CNTNAP2: variants seen among roughly 807,000 people sequenced by gnomAD.
CNTNAP2 encodes the protein contactin associated protein 2.
In CNTNAP2, 98 loss-of-function variants were observed where a neutral mutation model predicts 155.2. The observed-to-expected ratio is 0.63, with a 90% CI of 0.54 to 0.75. The LOEUF is 0.75. Among genes scored for constraint, CNTNAP2 ranks in the 30% least tolerant of loss-of-function variants. The pLI is 0.00. For synonymous variants in CNTNAP2, 651 were observed against 631.2 expected, an observed-to-expected ratio of 1.03 and a Z score of -0.47; for missense variants, 1,727 against 1,688.1, an observed-to-expected ratio of 1.02 and a Z score of -0.40.
At position 147,759,762 on chromosome 7, in the gene CNTNAP2, G is replaced by A. The variant is rs1325268101; in HGVS notation, c.2098+120456G>A. On this transcript the variant is annotated intron_variant, in intron 13 of 23. Coordinates refer to ENST00000361727, the MANE Select transcript of CNTNAP2 (RefSeq NM_014141.6). ...CCATCGTTTCCACAAGGAAGCCATT[G>A]TGGTTACGAAACAGCTCCATTTGTT... Among the ~76,000 whole-genome samples the A allele has an allele frequency of 2.0e-5, 3 of 152,156 alleles. No individual in the cohort carries two copies. The East Asian group carries it at 5.8e-4, about 29-fold the overall frequency.
intron 12 of CNTNAP2, among the ~76,000 whole-genome samples, chr7:147,627,282 A>G (rs1794998636): frequency 6.6e-6 from 1 of 152,240 alleles, no homozygotes; most frequent in African/African-American, 2.4e-5. Flanking sequence ...CCAAAAGATC[A>G]TACCAGCTCC....
At position 146,885,928 on chromosome 7, in the gene CNTNAP2, GGTGTGTGTGTGTGTGTGTGT is replaced by G. The variant is rs36231370; in HGVS notation, c.402+46051_402+46070del. Among the ~76,000 whole-genome samples, 871 of 141,940 alleles carry G rather than the reference GGTGTGTGTGTGTGTGTGTGT, an allele frequency of 6.1e-3. 9 individuals are homozygous for G. Among genetic ancestry groups the G allele is most frequent in the African/African-American group, 0.021 (786 of 38,250 alleles). The allele number at this position is 141,940 out of a possible 152,430, so 93.1% of individuals were successfully genotyped here. A position where few individuals can be genotyped will look rare whatever the true frequency, so the allele number is the denominator to read the frequency against. On this transcript the variant is annotated intron_variant, in intron 3 of 23. Transcript: ENST00000361727. ...CTTTAACTCTGAATATATGTAAGTC[GGTGTGTGTGTGTGTGTGTGT>G]GTGTGTGTGTGTGTGTGTGTGTGTG...
chr7:147,168,275 G>T (rs1165278442), intron 8 of CNTNAP2, among the ~76,000 whole-genome samples: 1 of 151,440 alleles, frequency 6.6e-6, no homozygotes, highest in Non-Finnish European at 1.5e-5. Flanking sequence ...TCAATTCAAA[G>T]ATATGTTTCC....
intron 1 of CNTNAP2, among the ~76,000 whole-genome samples, chr7:146,312,344 G>A (rs994147836): frequency 6.6e-6 from 1 of 152,102 alleles, no homozygotes; most frequent in Non-Finnish European, 1.5e-5. Context: ...CTAACATCTC[G>A]GAATAACTGG....
intron 8 of CNTNAP2, among the ~76,000 whole-genome samples, chr7:147,177,121 C>G (rs1429321584): frequency 6.7e-6 from 1 of 150,274 alleles, no homozygotes; most frequent in Non-Finnish European, 1.5e-5. Context: ...TTCAGTCTAT[C>G]TCTTTCTGTG....
intron 1 of CNTNAP2, among the ~76,000 whole-genome samples, chr7:146,646,895 A>T (rs1799820961): frequency 6.6e-6 from 1 of 152,202 alleles, no homozygotes; most frequent in African/African-American, 2.4e-5. Flanking sequence ...AGCAAAAATT[A>T]AATGGAATCC....
At chr7:146,756,319 A>C (rs1801994793) in intron 1 of CNTNAP2, among the ~76,000 whole-genome samples, 1 of 151,994 alleles carries the variant, frequency 6.6e-6, no homozygotes, top group Non-Finnish European at 1.5e-5. Context: ...ATGACTTTCC[A>C]ATTTAAAAAG....
At chr7:146,425,604 C>T (rs1042177303) in intron 1 of CNTNAP2, among the ~76,000 whole-genome samples, 4 of 152,078 alleles carry the variant, frequency 2.6e-5, no homozygotes, top group Admixed American at 6.5e-5. Flanking sequence ...GGAGATAGGG[C>T]GCAGAATGTA....
intron 10 of CNTNAP2, among the ~76,000 whole-genome samples, chr7:147,412,382 C>T (rs1437413261): frequency 6.6e-6 from 1 of 152,176 alleles, no homozygotes; most frequent in Admixed American, 6.5e-5. Context: ...GTCTCTGTCT[C>T]TTGCTTTCTT....
intron 8 of CNTNAP2, among the ~76,000 whole-genome samples, chr7:147,251,139 C>T (rs539914283): frequency 1.7e-3 from 256 of 152,268 alleles, no homozygotes; most frequent in Non-Finnish European, 3.1e-3. Context: ...CACTATTAGT[C>T]CTCGCTAGAG....
intron 15 of CNTNAP2, among the ~76,000 whole-genome samples, chr7:148,098,879 G>A (rs1441986094): frequency 6.6e-6 from 1 of 152,082 alleles, no homozygotes; most frequent in East Asian, 1.9e-4. Context: ...TTGAAGAGAA[G>A]GATAAAGTAG....
At chr7:148,028,395 T>C (rs1045769681) in intron 15 of CNTNAP2, among the ~76,000 whole-genome samples, 1 of 152,130 alleles carries the variant, frequency 6.6e-6, no homozygotes, top group African/African-American at 2.4e-5. Flanking sequence ...TTCAGGAATA[T>C]GGGAAAAATC....
At chr7:147,982,943 G>A (rs765493228) in intron 15 of CNTNAP2, among the ~76,000 whole-genome samples, 13 of 151,644 alleles carry the variant, frequency 8.6e-5, no homozygotes, top group Admixed American at 2.0e-4. Flanking sequence ...ATTTGAATCC[G>A]GGAGGTGGAA....
intron 13 of CNTNAP2, among the ~76,000 whole-genome samples, chr7:147,903,079 C>T (rs993306700): frequency 3.3e-5 from 5 of 152,076 alleles, no homozygotes; most frequent in Admixed American, 2.0e-4. Context: ...TGTACTAGTT[C>T]GCATTCCCAC....
intron 13 of CNTNAP2, among the ~76,000 whole-genome samples, chr7:147,642,899 T>G (rs1380489929): frequency 6.6e-6 from 1 of 152,216 alleles, no homozygotes; most frequent in African/African-American, 2.4e-5. Context: ...AACAAATGTT[T>G]GCTGATTCAA....
intron 3 of CNTNAP2, among the ~76,000 whole-genome samples, chr7:146,856,764 A>C (rs563793675): frequency 6.6e-6 from 1 of 152,306 alleles, no homozygotes; most frequent in African/African-American, 2.4e-5. Context: ...AGTGGATGTA[A>C]ACATTATGAG....
At chr7:147,522,321 AG>A in intron 11 of CNTNAP2, among the ~76,000 whole-genome samples, 1 of 152,236 alleles carries the variant, frequency 6.6e-6, no homozygotes, top group Non-Finnish European at 1.5e-5. Context: ...TGGTGCTTAA[AG>A]GAATATCTAG....
intron 10 of CNTNAP2, among the ~76,000 whole-genome samples, chr7:147,452,656 C>T (rs1797852920): frequency 6.6e-6 from 1 of 152,126 alleles, no homozygotes; most frequent in Non-Finnish European, 1.5e-5. Context: ...GGATGTGTTA[C>T]TAAACATAAT....
chr7:147,957,559 G>A (rs1181511182), intron 14 of CNTNAP2, among the ~76,000 whole-genome samples: 3 of 152,108 alleles, frequency 2.0e-5, no homozygotes, highest in Admixed American at 6.6e-5. Context: ...AAAAAACAGT[G>A]GGAAACGAGA....
Sources: allele counts gnomAD v4.1 joint callset (sites outside exome capture counted in the v4.1 genomes callset), GRCh38; gene constraint gnomAD v4.1.1; transcripts MANE v1.5; gene names NCBI Gene and HGNC (gene_info 2026-07-23, HGNC 2026-07-21).